The following LRBA variants were observed in gnomAD, a reference collection of about 807,000 sequenced individuals.
LRBA encodes lipopolysaccharide-responsive and beige-like anchor protein.
A neutral mutation model predicts 330.0 loss-of-function variants in LRBA; 176 were observed. The ratio of observed to expected loss-of-function variants is 0.53; its 90% CI spans 0.47 to 0.60. The LOEUF is 0.60. Among genes scored for constraint, LRBA ranks in the 20% least tolerant of loss-of-function variants. LRBA has a pLI of 0.00. For synonymous variants in LRBA, 1,230 were observed against 1,193.0 expected, an observed-to-expected ratio of 1.03 and a Z score of -0.64; for missense variants, 3,259 against 3,444.8, an observed-to-expected ratio of 0.95 and a Z score of 1.35.
intron 48 of LRBA, among the ~76,000 whole-genome samples, chr4:150,331,338 T>C (rs765910520): frequency 2.0e-5 from 3 of 152,150 alleles, no homozygotes; most frequent in Non-Finnish European, 2.9e-5. Flanking sequence ...GGGTTGGTAA[T>C]AGGGTAGCTT....
chr4:150,684,064 GT>G (rs33996929), intron 36 of LRBA: 151,397 of 172,280 alleles, frequency 0.88, 67,027 homozygotes, highest in Non-Finnish European at 0.94. Context: ...GAGAATAATG[GT>G]TAAGAAATAA....
intron 40 of LRBA, among the ~76,000 whole-genome samples, chr4:150,587,789 T>A (rs1057297038): frequency 2.0e-5 from 3 of 152,196 alleles, no homozygotes; most frequent in Non-Finnish European, 4.4e-5. Flanking sequence ...GACAATGTTC[T>A]CGGAGGTTCC....
chr4:150,590,644 A>G, intron 39 of LRBA, 69 bp downstream of exon 39: 1 of 1,453,282 alleles, frequency 6.9e-7, no homozygotes, highest in African/African-American at 1.4e-5. Context: ...GTCACAGCTG[A>G]AAAAGTAAGT....
intron 36 of LRBA, among the ~76,000 whole-genome samples, chr4:150,732,277 T>C (rs967994482): frequency 5.3e-5 from 8 of 152,088 alleles, no homozygotes. Context: ...TATTTTTAAT[T>C]CCTAACAGAT....
intron 53 of LRBA, among the ~76,000 whole-genome samples, chr4:150,299,760 G>C (rs1729416725): frequency 6.6e-6 from 1 of 151,780 alleles, no homozygotes; most frequent in Non-Finnish European, 1.5e-5. Context: ...TGCAGAAAAA[G>C]CAATAACCTG....
chr4:150,952,263 T>C (rs906378037), intron 2 of LRBA, among the ~76,000 whole-genome samples: 1 of 152,220 alleles, frequency 6.6e-6, no homozygotes, highest in South Asian at 2.1e-4. Context: ...TATGTGTGTG[T>C]GTGTGTGTGT....
At chr4:150,642,574 T>G (rs1223469930) in intron 37 of LRBA, among the ~76,000 whole-genome samples, 2 of 151,840 alleles carry the variant, frequency 1.3e-5, no homozygotes, top group Non-Finnish European at 3.0e-5. Flanking sequence ...ATGGTGTAAT[T>G]AGATGAAGGG....
intron 2 of LRBA, among the ~76,000 whole-genome samples, chr4:150,943,729 G>A (rs1226468037): frequency 6.6e-6 from 1 of 151,992 alleles, no homozygotes; most frequent in Admixed American, 6.6e-5. Flanking sequence ...ATTACTTTAG[G>A]AAAAAAGAAA....
rs1183330769 is a variant in LRBA at position 150,908,799 on chromosome 4, A to G, written c.1220T>C (p.Leu407Ser). 1 of 1,613,864 alleles carries G rather than the reference A, an allele frequency of 6.2e-7. No homozygotes were observed. The highest frequency in any genetic ancestry group is 1.1e-5 in the South Asian group (1 of 91,036). Residue 407 changes from leucine (L) to serine (S), a missense_variant, in exon 10 of 57, where the codon TTA becomes TCA. Transcript: ENST00000651943. ...DLFLAEHHKL[L>S]LYDGKLSSAI... ...ACTAGAGAGTTTCCCATCGTACAAT[A>G]AAAGTTTGTGATGCTCAGCAAGGAA...
At chr4:150,778,376 T>C (rs935258787) in intron 34 of LRBA, among the ~76,000 whole-genome samples, 9 of 152,248 alleles carry the variant, frequency 5.9e-5, no homozygotes, top group South Asian at 4.2e-4. Flanking sequence ...TATAAATATC[T>C]TAAACTCCAA....
chr4:150,667,855 C>T lies in LRBA; in HGVS notation c.5921+15696G>A, dbSNP rs574643574. ...ATAAATGTTTGTACTTTAAGCCACTCAGTGTACGGCAATTTATTATAACAA... is the reference window on the plus strand; with the variant it reads ...ATAAATGTTTGTACTTTAAGCCACTTAGTGTACGGCAATTTATTATAACAA... On this transcript the variant is annotated intron_variant, in intron 37 of 56. Coordinates refer to ENST00000651943, the MANE Select transcript of LRBA (RefSeq NM_001364905.1). Among the ~76,000 whole-genome samples the T allele has an allele frequency of 2.6e-5, 4 of 152,316 alleles. No homozygotes were observed. In the East Asian group the frequency reaches 5.8e-4, roughly 22 times the overall value.
chr4:150,822,193 C>A (rs1463141940), intron 30 of LRBA, among the ~76,000 whole-genome samples: 1 of 152,044 alleles, frequency 6.6e-6, no homozygotes, highest in Non-Finnish European at 1.5e-5. Flanking sequence ...AAAATGCTAC[C>A]ATCAAAATTA....
chr4:150,648,035 G>A (rs113956960), intron 37 of LRBA, among the ~76,000 whole-genome samples: 1 of 150,756 alleles, frequency 6.6e-6, no homozygotes, highest in African/African-American at 2.4e-5. Context: ...GCTTTGTTTA[G>A]GACATAAGGC....
At chr4:150,885,836 G>A (rs776392415) in intron 17 of LRBA, among the ~76,000 whole-genome samples, 4 of 152,142 alleles carry the variant, frequency 2.6e-5, no homozygotes, top group Non-Finnish European at 4.4e-5. Flanking sequence ...TGCAATTTAA[G>A]TTCTTATATC....
intron 36 of LRBA, chr4:150,683,972 G>GGC: frequency 3.0e-6 from 1 of 335,712 alleles, no homozygotes; most frequent in South Asian, 6.7e-5. Flanking sequence ...ATGAGACAAA[G>GGC]ACAGTCTTGT....
At position 150,436,702 on chromosome 4, in the gene LRBA, G is replaced by A. The variant is rs149398219; in HGVS notation, c.6921+22C>T. The A allele has an allele frequency of 5.0e-6, 8 of 1,601,324 alleles. No homozygotes were observed. The East Asian group carries it at 1.3e-4, about 27-fold the overall frequency. The stretch of plus-strand genomic sequence containing the variant: ...AACACTGAATTTATTTAGCCATGGT[G>A]TATTATTCAAATTGAACTTACTATT... On this transcript the variant is annotated intron_variant, in intron 45 of 56. Transcript: ENST00000651943.
chr4:150,875,605 GGAA>G (rs1175330723), intron 17 of LRBA, among the ~76,000 whole-genome samples: 37 of 152,226 alleles, frequency 2.4e-4, no homozygotes, highest in African/African-American at 8.7e-4. Flanking sequence ...ACCTGCTGAC[GGAA>G]GTGTATAAAG....
chr4:150,619,612 CTA>C (rs1776108033), intron 37 of LRBA, among the ~76,000 whole-genome samples: 1 of 152,058 alleles, frequency 6.6e-6, no homozygotes. Flanking sequence ...ATACAGATTC[CTA>C]TATAATTTTG....
intron 31 of LRBA, among the ~76,000 whole-genome samples, chr4:150,814,712 T>G (rs1476176030): frequency 1.3e-5 from 2 of 151,858 alleles, no homozygotes; most frequent in Non-Finnish European, 2.9e-5. Flanking sequence ...TGGTAACTAT[T>G]TGAGAAACTC....
Sources: gnomAD v4.1 joint callset for allele counts (sites outside exome capture counted in the v4.1 genomes callset) on GRCh38, gnomAD v4.1.1 for gene constraint, MANE v1.5 for transcripts, NCBI Gene and HGNC (gene_info 2026-07-23, HGNC 2026-07-21) for gene names.